AMBRA1: variants seen among roughly 807,000 people sequenced by gnomAD.
AMBRA1 encodes the protein activating molecule in BECN1-regulated autophagy protein 1.
Under a neutral mutation model 125.4 loss-of-function variants are expected in AMBRA1, and 47 were observed. The ratio of observed to expected loss-of-function variants is 0.37; its 90% CI spans 0.30 to 0.48. The LOEUF (loss-of-function observed/expected upper bound fraction) is 0.48, where lower values mean the gene tolerates loss of function less well. Among genes scored for constraint, AMBRA1 ranks in the 20% least tolerant of loss-of-function variants. AMBRA1 has a pLI of 0.99. For synonymous variants in AMBRA1, 626 were observed against 655.5 expected (o/e 0.95, Z 0.69); for missense variants, 1,331 against 1,693.4 (o/e 0.79, Z 3.76).
intron 8 of AMBRA1, among the ~76,000 whole-genome samples, chr11:46,512,428 G>A (rs1205962906): frequency 2.0e-5 from 3 of 152,132 alleles, no homozygotes; most frequent in Admixed American, 6.5e-5. Context: ...AGCCTCTCTG[G>A]CCAACAGAAA....
intron 12 of AMBRA1, among the ~76,000 whole-genome samples, chr11:46,437,635 T>C (rs1947789831): frequency 6.6e-6 from 1 of 152,250 alleles, no homozygotes; most frequent in Non-Finnish European, 1.5e-5. Flanking sequence ...ACAATAAGTG[T>C]CACTGCTTCC....
intron 1 of AMBRA1, among the ~76,000 whole-genome samples, chr11:46,588,775 C>CAA (rs201030293): frequency 7.1e-5 from 7 of 97,984 alleles, no homozygotes; most frequent in Admixed American, 1.2e-4. Flanking sequence ...AACTCCATCT[C>CAA]AAAAAAAAAA....
At chr11:46,475,828 G>A (rs1040735433) in intron 11 of AMBRA1, among the ~76,000 whole-genome samples, 15 of 152,196 alleles carry the variant, frequency 9.9e-5, no homozygotes, top group Admixed American at 9.2e-4. Flanking sequence ...GGTGGAACAG[G>A]AAACTGTGGC....
At chr11:46,507,199 G>A (rs1285636392) in intron 9 of AMBRA1, among the ~76,000 whole-genome samples, 1 of 138,094 alleles carries the variant, frequency 7.2e-6, no homozygotes, top group Non-Finnish European at 1.5e-5. Context: ...AAAAAAAAAG[G>A]CTTGGCACGG....
chr11:46,569,421 G>T, intron 1 of AMBRA1, among the ~76,000 whole-genome samples: 1 of 119,380 alleles, frequency 8.4e-6, no homozygotes, highest in Non-Finnish European at 1.7e-5. Flanking sequence ...CTATATCACT[G>T]AGAGATTAAA....
intron 1 of AMBRA1, among the ~76,000 whole-genome samples, chr11:46,559,488 TG>T (rs2043261700): frequency 6.6e-6 from 1 of 152,050 alleles, no homozygotes; most frequent in Admixed American, 6.6e-5. Context: ...ACCTCAAAAA[TG>T]GCAGTAAAAT....
chr11:46,531,772 A>C (rs956340940), intron 7 of AMBRA1, among the ~76,000 whole-genome samples: 1 of 151,840 alleles, frequency 6.6e-6, no homozygotes, highest in Non-Finnish European at 1.5e-5. Context: ...ATATTGCCAA[A>C]GAGAAAATGG....
At chr11:46,493,784 A>T in intron 10 of AMBRA1, 76 bp from the exon 11 acceptor site, 1 of 1,235,432 alleles carries the variant, frequency 8.1e-7, no homozygotes, top group Non-Finnish European at 1.1e-6. Flanking sequence ...ACACTGAAAA[A>T]TCTGGGCTAA....
chr11:46,518,114 GAGAT>G (rs1217872501), intron 7 of AMBRA1: 2 of 984,894 alleles, frequency 2.0e-6, no homozygotes, highest in Non-Finnish European at 1.2e-6. Context: ...TGAAAAGAAA[GAGAT>G]AGCCATTTGT....
At chr11:46,592,627 G>A (rs1332373298) in intron 1 of AMBRA1, among the ~76,000 whole-genome samples, 2 of 151,956 alleles carry the variant, frequency 1.3e-5, no homozygotes, top group Non-Finnish European at 2.9e-5. Context: ...GTGTGGTGGC[G>A]CGCGCCGGTA....
intron 12 of AMBRA1, among the ~76,000 whole-genome samples, chr11:46,438,027 A>G (rs1300462766): frequency 6.6e-6 from 1 of 152,152 alleles, no homozygotes; most frequent in Non-Finnish European, 1.5e-5. Flanking sequence ...GGTGTCTCTG[A>G]TGTTGCCGGA....
intron 11 of AMBRA1, among the ~76,000 whole-genome samples, chr11:46,480,879 G>A (rs1950036591): frequency 6.6e-6 from 1 of 152,194 alleles, no homozygotes; most frequent in African/African-American, 2.4e-5. Flanking sequence ...TACGTATAGA[G>A]ACCAATGAGG....
intron 6 of AMBRA1, 36 bp from the exon 7 acceptor site, chr11:46,543,434 C>A (rs1389338114): frequency 6.3e-7 from 1 of 1,599,134 alleles, no homozygotes; most frequent in East Asian, 2.2e-5. Flanking sequence ...GGGGGTAGAG[C>A]AAGGCAGTTA....
intron 14 of AMBRA1, among the ~76,000 whole-genome samples, chr11:46,427,883 C>A (rs1212491202): frequency 6.6e-6 from 1 of 151,846 alleles, no homozygotes; most frequent in African/African-American, 2.4e-5. Context: ...GTGGCGAGTG[C>A]CTGTAGACCC....
chr11:46,578,703 G>GA (rs1379360995), intron 1 of AMBRA1, among the ~76,000 whole-genome samples: 1 of 151,254 alleles, frequency 6.6e-6, no homozygotes, highest in Non-Finnish European at 1.5e-5. Context: ...CTAACACGGT[G>GA]AAACCCTCTC....
chr11:46,477,658 T>C (rs1467452053), intron 11 of AMBRA1, among the ~76,000 whole-genome samples: 1 of 152,132 alleles, frequency 6.6e-6, no homozygotes, highest in Non-Finnish European at 1.5e-5. Flanking sequence ...GTCTTTATTG[T>C]ACATAGGCTA....
rs1187130539 is a variant in AMBRA1, at chr11:46,543,103, A to C, written c.914T>G (p.Leu305Arg). Residue 305 changes from leucine (L) to arginine (R), a missense_variant, in exon 7 of 18, where the codon CTT (leucine) becomes CGT (arginine). Leu to Arg is a moderately radical substitution (Grantham distance 102, BLOSUM62 -2). Around this residue, in one of 4 missense-constraint regions of AMBRA1, gnomAD observed 689 missense variants for 776.5 expected, o/e 0.89. Coordinates refer to ENST00000683756, the MANE Select transcript of AMBRA1 (RefSeq NM_001387011.1). ...GCGGCTGCAAAGGCACAGGATCCCA[A>C]GGTGCTGGCAGCACTCAGCTGTGGG... Reference protein sequence around the residue: ...SYPTAECCQHLGILCLCSRCS... With the variant: ...SYPTAECCQHRGILCLCSRCS... 6.3e-7 allele frequency: 1 copy of C among 1,581,960 alleles called. No homozygotes were observed. The highest frequency in any genetic ancestry group is 1.8e-5 in the Admixed American group (1 of 55,364).
Position 46,397,777 on chromosome 11 carries a change from G to T in AMBRA1, c.3570C>A (p.Arg1190=). The part of the protein sequence containing the change: ...NNIIVSHRIH[R]SSQTGTEPGA... ...CAGGTTCAGTGCCCGTCTGAGAGCTGCGGTGAATGCGGTGGCTGACGATGA... is the reference window on the plus strand; with the variant it reads ...CAGGTTCAGTGCCCGTCTGAGAGCTTCGGTGAATGCGGTGGCTGACGATGA... The change falls in exon 18 of 18, where the codon CGC becomes CGA. Residue 1190 remains arginine, a synonymous_variant. Coordinates refer to ENST00000683756, the MANE Select transcript of AMBRA1 (RefSeq NM_001387011.1). 6.2e-7 allele frequency: 1 copy of T among 1,611,270 alleles called. No individual in the cohort carries two copies.
At chr11:46,505,812 A>G (rs1442663411) in intron 9 of AMBRA1, among the ~76,000 whole-genome samples, 1 of 152,048 alleles carries the variant, frequency 6.6e-6, no homozygotes, top group East Asian at 1.9e-4. Flanking sequence ...CAAGAACAGA[A>G]CATTTTAAAC....
Sources: allele counts gnomAD v4.1 joint callset (sites outside exome capture counted in the v4.1 genomes callset), GRCh38; gene constraint gnomAD v4.1.1; regional missense constraint gnomAD v4.1.1; transcripts MANE v1.5; gene names NCBI Gene and HGNC (gene_info 2026-07-23, HGNC 2026-07-21).